LTBP1: variants seen among roughly 807,000 people sequenced by gnomAD.
The protein encoded by LTBP1 is latent-transforming growth factor beta-binding protein 1.
In LTBP1, 129 loss-of-function variants were observed where a neutral mutation model predicts 207.6. The observed-to-expected ratio is 0.62, with a 90% CI of 0.54 to 0.72. The LOEUF (loss-of-function observed/expected upper bound fraction) is 0.72. Ranked by LOEUF, LTBP1 falls within the 30% of genes least tolerant of loss-of-function variation. The pLI is 0.00. For synonymous variants in LTBP1, 963 were observed against 833.7 expected, an observed-to-expected ratio of 1.16 and a Z score of -2.67; for missense variants, 2,281 against 2,217.2, an observed-to-expected ratio of 1.03 and a Z score of -0.58.
chr2:33,004,405 A>AT (rs911768201), intron 2 of LTBP1, among the ~76,000 whole-genome samples: 4 of 151,530 alleles, frequency 2.6e-5, no homozygotes, highest in South Asian at 2.1e-4. Context: ...GGGCATGGCG[A>AT]TTTTTTTTTA....
At chr2:33,344,452 G>T in intron 25 of LTBP1, among the ~76,000 whole-genome samples, 1 of 152,118 alleles carries the variant, frequency 6.6e-6, no homozygotes, top group Non-Finnish European at 1.5e-5. Context: ...ACTGGTTGTG[G>T]TTGCCCATGT....
chr2:33,167,833 G>T (rs1271496637), intron 5 of LTBP1, among the ~76,000 whole-genome samples: 1 of 152,192 alleles, frequency 6.6e-6, no homozygotes, highest in Admixed American at 6.5e-5. Context: ...GCAAGAACTA[G>T]ATCAAGGAGA....
At chr2:33,179,193 C>T (rs1419609493) in intron 5 of LTBP1, among the ~76,000 whole-genome samples, 1 of 149,904 alleles carries the variant, frequency 6.7e-6, no homozygotes, top group Non-Finnish European at 1.5e-5. Context: ...TGAGATCTTT[C>T]TGTGATTTTT....
At chr2:33,091,325 G>A (rs749420144) in intron 3 of LTBP1, among the ~76,000 whole-genome samples, 37 of 152,116 alleles carry the variant, frequency 2.4e-4, no homozygotes, top group Admixed American at 1.5e-3. Flanking sequence ...TCTATGAGCA[G>A]CTTAAGCATA....
intron 5 of LTBP1, among the ~76,000 whole-genome samples, chr2:33,136,787 T>A (rs1357241856): frequency 6.6e-6 from 1 of 152,198 alleles, no homozygotes; most frequent in Non-Finnish European, 1.5e-5. Flanking sequence ...ACACTTTCCT[T>A]GCTGGCACTG....
chr2:33,035,015 G>A (rs1444348158), intron 3 of LTBP1, among the ~76,000 whole-genome samples: 1 of 152,192 alleles, frequency 6.6e-6, no homozygotes, highest in East Asian at 1.9e-4. Context: ...TTTCTTGGCA[G>A]TGCAACCTCG....
At chr2:33,128,496 G>T (rs1244934625) in intron 4 of LTBP1, among the ~76,000 whole-genome samples, 1 of 152,240 alleles carries the variant, frequency 6.6e-6, no homozygotes, top group Non-Finnish European at 1.5e-5. Context: ...CAGCCACATG[G>T]CCATGGTGTG....
chr2:33,150,274 G>A (rs1054598229), intron 5 of LTBP1, among the ~76,000 whole-genome samples: 2 of 152,040 alleles, frequency 1.3e-5, no homozygotes, highest in Non-Finnish European at 2.9e-5. Flanking sequence ...TTTTTTACTT[G>A]AATGAAATGC....
intron 2 of LTBP1, among the ~76,000 whole-genome samples, chr2:32,969,805 G>A (rs1051633094): frequency 6.6e-6 from 1 of 152,172 alleles, no homozygotes; most frequent in South Asian, 2.1e-4. Flanking sequence ...GGATTGCTGG[G>A]TGAAAAGGTA....
chr2:32,954,015 G>A (rs1388557801), intron 2 of LTBP1, among the ~76,000 whole-genome samples: 1 of 152,118 alleles, frequency 6.6e-6, no homozygotes, highest in African/African-American at 2.4e-5. Context: ...AGCTTACAGA[G>A]AGCATTTTCT....
chr2:33,280,939 G>T (rs995331628), intron 19 of LTBP1, among the ~76,000 whole-genome samples: 1 of 152,120 alleles, frequency 6.6e-6, no homozygotes, highest in Non-Finnish European at 1.5e-5. Flanking sequence ...GCTTCGTGGG[G>T]TGTGTGCCTG....
intron 26 of LTBP1, among the ~76,000 whole-genome samples, chr2:33,356,894 C>T (rs749270502): frequency 3.3e-4 from 50 of 152,154 alleles, no homozygotes; most frequent in Non-Finnish European, 6.3e-4. Flanking sequence ...ATCCATTGAT[C>T]TCTTTTCAGG....
At chr2:33,171,270 G>C (rs1318354772) in intron 5 of LTBP1, among the ~76,000 whole-genome samples, 1 of 128,600 alleles carries the variant, frequency 7.8e-6, no homozygotes, top group Non-Finnish European at 1.7e-5. Flanking sequence ...AAAAAATTTA[G>C]ACGAATGTAT....
chr2:33,092,179 G>GCACA (rs749016594), intron 3 of LTBP1, among the ~76,000 whole-genome samples: 5 of 148,110 alleles, frequency 3.4e-5, no homozygotes, highest in African/African-American at 7.3e-5. Flanking sequence ...ACGTGCGCAT[G>GCACA]CACACACACA....
intron 2 of LTBP1, among the ~76,000 whole-genome samples, chr2:32,964,398 A>T (rs780237878): frequency 2.0e-5 from 3 of 152,166 alleles, no homozygotes; most frequent in South Asian, 2.1e-4. Flanking sequence ...ATGCAAAGAC[A>T]TGTCACTTGA....
At chr2:33,388,985 G>A (rs537971540) in intron 31 of LTBP1, among the ~76,000 whole-genome samples, 199 bp from the exon 32 acceptor site, 1 of 152,166 alleles carries the variant, frequency 6.6e-6, no homozygotes, top group East Asian at 1.9e-4. Flanking sequence ...TAATTATGCT[G>A]TACAGCAGTC....
rs183988836 is a variant in LTBP1 at position 33,079,042 on chromosome 2, A to G, written c.864-31540A>G. ...CCCAGCTAATTTTTGTATTGTTAGT[A>G]GAGACGGGGTTTCACCATGTTGGCC... On this transcript the variant is annotated intron_variant, in intron 3 of 33. Coordinates refer to ENST00000404816, the MANE Select transcript of LTBP1 (RefSeq NM_206943.4). Among the ~76,000 whole-genome samples, 7 of 151,878 alleles carry G rather than the reference A, an allele frequency of 4.6e-5. No individual in the cohort carries two copies. The East Asian group carries it at 1.2e-3, about 25-fold the overall frequency.
Position 33,222,072 on chromosome 2 carries a change from C to T in LTBP1, c.1805-8C>T, listed in dbSNP as rs765327022. On this transcript the variant is annotated splice_polypyrimidine_tract_variant and splice_region_variant and intron_variant, in intron 8 of 33. Transcript: ENST00000404816. ...TAAGTATGTAACAAAGCATTTCTTCCCTTACAGCTTATCATGGATACAACC... is the reference window on the plus strand; with the variant it reads ...TAAGTATGTAACAAAGCATTTCTTCTCTTACAGCTTATCATGGATACAACC... 33 of 1,605,864 alleles carry T rather than the reference C, an allele frequency of 2.1e-5. No individual in the cohort carries two copies. The highest frequency in any genetic ancestry group is 2.8e-5 in the Non-Finnish European group (33 of 1,172,630).
chr2:33,033,529 C>T (rs946419437), intron 3 of LTBP1, among the ~76,000 whole-genome samples: 3 of 151,594 alleles, frequency 2.0e-5, no homozygotes, highest in Non-Finnish European at 2.9e-5. Flanking sequence ...ATCAGAAACA[C>T]TGACAATAAT....
Sources: allele counts gnomAD v4.1 joint callset (sites outside exome capture counted in the v4.1 genomes callset), GRCh38; gene constraint gnomAD v4.1.1; transcripts MANE v1.5; gene names NCBI Gene and HGNC (gene_info 2026-07-23, HGNC 2026-07-21).